Variants in GLIS3 observed in about 807,000 individuals in gnomAD.
GLIS3 encodes the protein GLIS family zinc finger 3.
Under a neutral mutation model 78.6 loss-of-function variants are expected in GLIS3, and 53 were observed. The ratio of observed to expected loss-of-function variants is 0.67; its 90% CI spans 0.54 to 0.85. GLIS3 has a LOEUF of 0.85. Among genes scored for constraint, GLIS3 ranks in the 40% least tolerant of loss-of-function variants. GLIS3 has a pLI of 0.00. For synonymous variants in GLIS3, 684 were observed against 509.9 expected (o/e 1.34, Z -4.60); for missense variants, 1,703 against 1,231.1 (o/e 1.38, Z -5.74).
At chr9:3,844,206 C>G (rs1818901746) in intron 9 of GLIS3, among the ~76,000 whole-genome samples, 1 of 152,174 alleles carries the variant, frequency 6.6e-6, no homozygotes. Context: ...GGCCTCGCTA[C>G]CAGCAACCCA....
At chr9:4,041,951 A>G (rs1824846228) in intron 4 of GLIS3, among the ~76,000 whole-genome samples, 1 of 152,138 alleles carries the variant, frequency 6.6e-6, no homozygotes, top group South Asian at 2.1e-4. Context: ...AATTCTGGAC[A>G]AGTTTGATGT....
intron 2 of GLIS3, among the ~76,000 whole-genome samples, chr9:4,191,711 T>A (rs1818345416): frequency 6.6e-6 from 1 of 152,202 alleles, no homozygotes; most frequent in African/African-American, 2.4e-5. Flanking sequence ...AAGGGAATAT[T>A]TAACAAACAA....
the GLIS3 span, among the ~76,000 whole-genome samples, chr9:4,420,632 A>T: frequency 2.0e-5 from 3 of 152,188 alleles, no homozygotes; most frequent in African/African-American, 7.2e-5. Flanking sequence ...AGACTCCACT[A>T]GGTGCTCATC....
intron 8 of GLIS3, among the ~76,000 whole-genome samples, chr9:3,876,357 T>A (rs1821307598): frequency 6.6e-6 from 1 of 151,764 alleles, no homozygotes; most frequent in South Asian, 2.1e-4. Context: ...CCCTATTAGA[T>A]CCCTGAATCA....
chr9:4,242,842 A>C (rs1042240423), intron 2 of GLIS3, among the ~76,000 whole-genome samples: 3 of 152,158 alleles, frequency 2.0e-5, no homozygotes, highest in African/African-American at 7.2e-5. Flanking sequence ...ATTACATAAA[A>C]TATATTATTA....
intron 2 of GLIS3, among the ~76,000 whole-genome samples, chr9:4,194,847 G>C (rs1818663220): frequency 6.6e-6 from 1 of 152,216 alleles, no homozygotes; most frequent in African/African-American, 2.4e-5. Context: ...AAGATGCTGT[G>C]AGGGAAAAAC....
At chr9:3,911,162 T>C (rs925061464) in intron 6 of GLIS3, among the ~76,000 whole-genome samples, 1 of 152,062 alleles carries the variant, frequency 6.6e-6, no homozygotes, top group African/African-American at 2.4e-5. Flanking sequence ...CACTATTTCT[T>C]GATTCTGTAC....
At chr9:3,910,122 T>C (rs1363228585) in intron 6 of GLIS3, among the ~76,000 whole-genome samples, 1 of 152,164 alleles carries the variant, frequency 6.6e-6, no homozygotes, top group African/African-American at 2.4e-5. Flanking sequence ...AGTTGAACTA[T>C]AATCTGCCAA....
chr9:3,875,818 A>T (rs934507589), intron 8 of GLIS3, among the ~76,000 whole-genome samples: 1 of 152,126 alleles, frequency 6.6e-6, no homozygotes, highest in Admixed American at 6.5e-5. Context: ...GCAAGGCAAA[A>T]CCACAAAGTG....
the GLIS3 span, among the ~76,000 whole-genome samples, chr9:4,384,228 A>G: frequency 1.3e-5 from 2 of 152,174 alleles, no homozygotes; most frequent in African/African-American, 4.8e-5. Context: ...GGACCTTATA[A>G]GGGGTTTCCA....
chr9:3,920,998 CT>C (rs1824852444), intron 6 of GLIS3, among the ~76,000 whole-genome samples: 1 of 152,120 alleles, frequency 6.6e-6, no homozygotes, highest in South Asian at 2.1e-4. Context: ...GTAATTTATC[CT>C]TTTTACCACC....
At chr9:4,274,217 TG>T (rs1410616389) in intron 2 of GLIS3, among the ~76,000 whole-genome samples, 2 of 152,190 alleles carry the variant, frequency 1.3e-5, no homozygotes, top group African/African-American at 4.8e-5. Context: ...GCTTCTCGAA[TG>T]TCAATGTACA....
intron 2 of GLIS3, among the ~76,000 whole-genome samples, chr9:4,312,187 G>T (rs537823924): frequency 6.6e-6 from 1 of 152,184 alleles, no homozygotes; most frequent in Admixed American, 6.5e-5. Context: ...AACTTTACAG[G>T]CTGGGCATGG....
chr9:4,337,298 T>A (rs1817768744), intron 2 of GLIS3, among the ~76,000 whole-genome samples: 1 of 152,194 alleles, frequency 6.6e-6, no homozygotes, highest in South Asian at 2.1e-4. Context: ...GTAACAAAGC[T>A]GGAAATAACA....
chr9:3,851,023 C>G (rs1311926429), intron 9 of GLIS3, among the ~76,000 whole-genome samples: 1 of 152,214 alleles, frequency 6.6e-6, no homozygotes, highest in East Asian at 1.9e-4. Context: ...AAATGACATT[C>G]ATGTTTGCAT....
chr9:4,194,473 G>C (rs1818618607), intron 2 of GLIS3, among the ~76,000 whole-genome samples: 3 of 152,178 alleles, frequency 2.0e-5, no homozygotes, highest in South Asian at 2.1e-4. Context: ...ATTTTTCCAA[G>C]ATGGTAGATT....
chr9:3,831,375 T>A (rs1376246664), intron 9 of GLIS3, among the ~76,000 whole-genome samples: 3 of 152,168 alleles, frequency 2.0e-5, no homozygotes, highest in African/African-American at 7.2e-5. Flanking sequence ...GAGCAAACTG[T>A]AAACTCTCAA....
At chr9:3,918,967 T>TG (rs1018512770) in intron 6 of GLIS3, among the ~76,000 whole-genome samples, 12 of 152,272 alleles carry the variant, frequency 7.9e-5, no homozygotes, top group African/African-American at 2.9e-4. Flanking sequence ...TAGAGCTCCT[T>TG]GGGGTACTTA....
At chr9:4,168,925 T>C (rs1049369155) in intron 2 of GLIS3, among the ~76,000 whole-genome samples, 1 of 152,246 alleles carries the variant, frequency 6.6e-6, no homozygotes, top group Admixed American at 6.5e-5. Flanking sequence ...AATTTCATTA[T>C]GCAAATCGTG....
Sources: allele counts gnomAD v4.1 joint callset (sites outside exome capture counted in the v4.1 genomes callset), GRCh38; gene constraint gnomAD v4.1.1; transcripts MANE v1.5; gene names NCBI Gene and HGNC (gene_info 2026-07-23, HGNC 2026-07-21).